The following SYNPO2 variants were observed in gnomAD, a reference collection of about 807,000 sequenced individuals.
SYNPO2 encodes synaptopodin-2.
Under a neutral mutation model 85.0 loss-of-function variants are expected in SYNPO2, and 56 were observed. The ratio of observed to expected loss-of-function variants is 0.66; its 90% CI spans 0.53 to 0.82. SYNPO2 has a LOEUF of 0.82. SYNPO2 is among the 40% of genes least tolerant of loss of function. SYNPO2 has a pLI of 0.00. For missense variants in SYNPO2, 1,575 were observed against 1,534.2 expected (o/e 1.03, Z -0.44); for synonymous variants, 602 against 591.1 (o/e 1.02, Z -0.27).
At chr4:119,024,333 A>G (rs1286204587) in intron 2 of SYNPO2, among the ~76,000 whole-genome samples, 3 of 152,244 alleles carry the variant, frequency 2.0e-5, no homozygotes, top group Admixed American at 2.0e-4. Flanking sequence ...ATTGCATGAT[A>G]ATGAATCCAG....
At chr4:118,891,108 T>C (rs1052130123) in intron 1 of SYNPO2, among the ~76,000 whole-genome samples, 1 of 152,150 alleles carries the variant, frequency 6.6e-6, no homozygotes, top group African/African-American at 2.4e-5. Context: ...CATCTCTATT[T>C]TCAGGATTCA....
chr4:118,900,703 C>CTCTCTATA (rs1277981772), intron 1 of SYNPO2, among the ~76,000 whole-genome samples: 95 of 43,854 alleles, frequency 2.2e-3, no homozygotes, highest in Non-Finnish European at 3.1e-3. Flanking sequence ...CTCTCTCTCT[C>CTCTCTATA]TATATATATA....
At chr4:118,906,996 G>A (rs1382877124) in intron 1 of SYNPO2, among the ~76,000 whole-genome samples, 2 of 148,948 alleles carry the variant, frequency 1.3e-5, no homozygotes, top group Non-Finnish European at 3.0e-5. Context: ...TCTATTTTTT[G>A]TAGAGACAGG....
chr4:119,018,487 A>C lies in SYNPO2; in HGVS notation c.106-4943A>C, dbSNP rs185520801. Among the ~76,000 whole-genome samples, 25 of 152,170 alleles carry C rather than the reference A, an allele frequency of 1.6e-4. No homozygotes were observed. In the East Asian group the frequency reaches 4.8e-3, roughly 29 times the overall value. On this transcript the variant is annotated intron_variant, in intron 1 of 4. Coordinates refer to ENST00000307142, the MANE Select transcript of SYNPO2 (RefSeq NM_133477.3). Reference sequence around the variant, plus strand: ...AGCAATGGGATTGCTGGCTAGTTCTAGTTTTAATTTTCTGAGGAACCTCCA... The same window carrying C: ...AGCAATGGGATTGCTGGCTAGTTCTCGTTTTAATTTTCTGAGGAACCTCCA...
chr4:119,030,710 G>T lies in SYNPO2; in HGVS notation c.1935G>T (p.Gln645His), dbSNP rs769799996. 4 of 1,613,994 alleles carry T rather than the reference G, an allele frequency of 2.5e-6. No homozygotes were observed. The highest frequency in any genetic ancestry group is 2.5e-6 in the Non-Finnish European group (3 of 1,180,026). ...GVSSPIAGPA[Q>H]PPPWPQPAPW... ...CAAGTCCGATTGCTGGCCCAGCACA[G>T]CCCCCTCCATGGCCCCAGCCTGCCC... The change falls in exon 4 of 5, where the codon CAG becomes CAT. Residue 645 changes from glutamine to histidine, a missense_variant. This residue lies in a region of SYNPO2 where 1,508 missense variants were observed against 1,446.8 expected (regional missense o/e 1.04). Transcript: ENST00000307142.
At chr4:118,854,183 C>T (rs1159549569) in intron 1 of SYNPO2, among the ~76,000 whole-genome samples, 1 of 152,182 alleles carries the variant, frequency 6.6e-6, no homozygotes, top group Non-Finnish European at 1.5e-5. Context: ...AAAGAATCTG[C>T]TTCAGAAGTT....
chr4:119,036,261 A>C, intron 4 of SYNPO2: 1 of 985,434 alleles, frequency 1.0e-6, no homozygotes, highest in Non-Finnish European at 1.2e-6. Context: ...GCGTGTGCTC[A>C]TTCTCTTTAA....
rs1022048209 is a variant in SYNPO2 at position 119,030,188 on chromosome 4, T to C, written c.1413T>C (p.Ile471=). 1.7e-5 allele frequency: 27 copies of C among 1,613,640 alleles called. 1 individual carries two copies. The Admixed American group carries it at 3.3e-4, about 20-fold the overall frequency. Reference sequence around the variant, plus strand: ...ACTGGGATTCTGGACTGGTGGACATTGAAAAGAAACTGAACAGAGGGGACA... The same window carrying C: ...ACTGGGATTCTGGACTGGTGGACATCGAAAAGAAACTGAACAGAGGGGACA... The part of the protein sequence containing the change: ...NFDWDSGLVD[I]EKKLNRGDKM... Residue 471 remains isoleucine, a synonymous_variant, in exon 4 of 5, where the codon ATT becomes ATC. Coordinates refer to ENST00000307142, the MANE Select transcript of SYNPO2 (RefSeq NM_133477.3).
Position 119,031,153 on chromosome 4 carries a change from C to T in SYNPO2, c.2378C>T (p.Pro793Leu), listed in dbSNP as rs768406595. 1 of 1,614,146 alleles carries T rather than the reference C, an allele frequency of 6.2e-7. No individual in the cohort carries two copies. Among genetic ancestry groups the T allele is most frequent in the South Asian group, 1.1e-5 (1 of 91,080 alleles). ...GVAPTQPPAF[P>L]TSNPSKGTVV... ...GCTCCCACCCAACCTCCTGCCTTCC[C>T]CACATCCAACCCATCAAAGGGCACC... Residue 793 changes from proline (P) to leucine (L), a missense_variant, in exon 4 of 5, where the codon CCC becomes CTC. Coordinates refer to ENST00000307142, the MANE Select transcript of SYNPO2 (RefSeq NM_133477.3).
chr4:118,864,979 A>C (rs953564188), intron 1 of SYNPO2, among the ~76,000 whole-genome samples: 2 of 152,366 alleles, frequency 1.3e-5, no homozygotes, highest in African/African-American at 4.8e-5. Flanking sequence ...ATGAATATCA[A>C]GGCATCGTAA....
At chr4:118,921,779 G>GCACA (rs149219584) in intron 1 of SYNPO2, among the ~76,000 whole-genome samples, 8,535 of 148,446 alleles carry the variant, frequency 0.057, 754 homozygotes, top group African/African-American at 0.19. Context: ...CTTTTCATAT[G>GCACA]CACACACACA....
chr4:119,057,361 C>G (rs748439861), intron 4 of SYNPO2, 40 bp from the exon 5 acceptor site: 61 of 1,521,540 alleles, frequency 4.0e-5, no homozygotes, highest in Non-Finnish European at 5.3e-5. Context: ...CAGCACAAAC[C>G]AAAATGAATG....
chr4:118,960,697 C>T (rs1735048470), intron 1 of SYNPO2, among the ~76,000 whole-genome samples: 1 of 151,980 alleles, frequency 6.6e-6, no homozygotes, highest in Non-Finnish European at 1.5e-5. Context: ...TAATTTCTAA[C>T]CCCTATGCTC....
At position 118,927,735 on chromosome 4, in the gene SYNPO2, GAT is replaced by G. The variant is rs1336563016; in HGVS notation, c.105+38596_105+38597del. Among the ~76,000 whole-genome samples the G allele has an allele frequency of 5.5e-5, 3 of 55,010 alleles. No homozygotes were observed. The East Asian group carries it at 2.1e-3, about 39-fold the overall frequency. The allele number at this position is 55,010 out of a possible 152,430, so 36.1% of individuals were successfully genotyped here. On this transcript the variant is annotated intron_variant, in intron 1 of 4. Coordinates refer to ENST00000307142, the MANE Select transcript of SYNPO2 (RefSeq NM_133477.3). Reference sequence around the variant, plus strand: ...AGATAGATAGATAGATAGATAGATAGATAGATAGATAGATGATAGATAGATAT... The same window carrying G: ...AGATAGATAGATAGATAGATAGATAGAGATAGATAGATGATAGATAGATAT...
intron 1 of SYNPO2, among the ~76,000 whole-genome samples, chr4:118,881,297 G>C (rs1316772118): frequency 3.2e-5 from 4 of 125,536 alleles, no homozygotes; most frequent in Non-Finnish European, 7.0e-5. Context: ...GCAAAACTCC[G>C]TCTCAAAAAA....
intron 1 of SYNPO2, among the ~76,000 whole-genome samples, chr4:118,977,418 G>T (rs1350594983): frequency 1.3e-5 from 2 of 152,204 alleles, no homozygotes; most frequent in East Asian, 3.9e-4. Flanking sequence ...CCCGGTTCCC[G>T]CTCACGCCTC....
chr4:119,030,831 G>A lies in SYNPO2; in HGVS notation c.2056G>A (p.Glu686Lys), dbSNP rs1397168097. 1 of 1,614,018 alleles carries A rather than the reference G, an allele frequency of 6.2e-7. No homozygotes were observed. Among genetic ancestry groups the A allele is most frequent in the African/African-American group, 1.3e-5 (1 of 74,916 alleles). Residue 686 changes from glutamate to lysine, a missense_variant, in exon 4 of 5, where the codon GAG becomes AAG. By Grantham distance (56) the Glu-to-Lys change is moderately conservative (BLOSUM62 1). This residue lies in a region of SYNPO2 where 1,508 missense variants were observed against 1,446.8 expected (regional missense o/e 1.04). Coordinates refer to ENST00000307142, the MANE Select transcript of SYNPO2 (RefSeq NM_133477.3). ...AGCAAAAAGAACAGGAATATTGCAG[G>A]AGGCCAAAAGGAGAAGCACGACAAA... ...VPAKRTGILQ[E>K]AKRRSTTKPM...
Position 119,027,321 on chromosome 4 carries a change from G to A in SYNPO2, c.952G>A (p.Glu318Lys). 1 of 1,614,104 alleles carries A rather than the reference G, an allele frequency of 6.2e-7. No homozygotes were observed. The highest frequency in any genetic ancestry group is 1.1e-5 in the South Asian group (1 of 91,086). Residue 318 changes from glutamate to lysine, a missense_variant, in exon 3 of 5, where the codon GAA becomes AAA. Transcript: ENST00000307142. ...TTCTCCAGTGGAAGGAGGGCAGTCA[G>A]AAGCACCTCCTTCTCTGGTATCCTT... ...VDSPVEGGQS[E>K]APPSLVSFAV...
chr4:118,999,760 T>C (rs535651737), intron 1 of SYNPO2, among the ~76,000 whole-genome samples: 1 of 152,310 alleles, frequency 6.6e-6, no homozygotes, highest in East Asian at 1.9e-4. Flanking sequence ...TAAATCATAT[T>C]TGAAGACAGA....
Sources: allele counts gnomAD v4.1 joint callset (sites outside exome capture counted in the v4.1 genomes callset), GRCh38; gene constraint gnomAD v4.1.1; regional missense constraint gnomAD v4.1.1; transcripts MANE v1.5; gene names NCBI Gene and HGNC (gene_info 2026-07-23, HGNC 2026-07-21).